UBE2E2: variants seen among roughly 807,000 people sequenced by gnomAD.
The protein encoded by UBE2E2 is ubiquitin-conjugating enzyme E2 E2.
UBE2E2 carries 6 observed loss-of-function variants against 24.7 expected under a neutral mutation model. The observed-to-expected ratio is 0.24, with a 90% CI of 0.13 to 0.48. UBE2E2 has a LOEUF of 0.48. UBE2E2 is among the 20% of genes least tolerant of loss of function. The probability of loss-of-function intolerance (pLI) is 0.99; values close to 1 mark genes in which losing one functional copy is unlikely to be tolerated. For missense variants in UBE2E2, 169 were observed against 245.0 expected, an observed-to-expected ratio of 0.69 and a Z score of 2.07; for synonymous variants, 104 against 83.6, an observed-to-expected ratio of 1.24 and a Z score of -1.33.
At chr3:23,528,476 G>A (rs1180723637) in intron 4 of UBE2E2, among the ~76,000 whole-genome samples, 3 of 152,146 alleles carry the variant, frequency 2.0e-5, no homozygotes, top group African/African-American at 7.2e-5. Flanking sequence ...CACCCCGAGA[G>A]TGGTGGGTTT....
chr3:23,253,199 T>G (rs925960795), intron 3 of UBE2E2, among the ~76,000 whole-genome samples: 1 of 152,038 alleles, frequency 6.6e-6, no homozygotes, highest in African/African-American at 2.4e-5. Flanking sequence ...CTAGATAAAA[T>G]TACACACTAA....
intron 3 of UBE2E2, among the ~76,000 whole-genome samples, chr3:23,350,986 G>A (rs1165190360): frequency 1.3e-5 from 2 of 152,220 alleles, no homozygotes; most frequent in African/African-American, 4.8e-5. Flanking sequence ...CAGCCAGAGA[G>A]AAAGGTCGGG....
At chr3:23,497,148 C>T (rs1699618677) in intron 3 of UBE2E2, among the ~76,000 whole-genome samples, 1 of 152,180 alleles carries the variant, frequency 6.6e-6, no homozygotes, top group Non-Finnish European at 1.5e-5. Flanking sequence ...ACCACAACTA[C>T]AGACCTCAAT....
At chr3:23,507,194 T>A (rs1169261612) in intron 4 of UBE2E2, among the ~76,000 whole-genome samples, 1 of 152,178 alleles carries the variant, frequency 6.6e-6, no homozygotes, top group Non-Finnish European at 1.5e-5. Context: ...TCCCTTGATG[T>A]CTCTGCTCAA....
intron 3 of UBE2E2, among the ~76,000 whole-genome samples, chr3:23,450,538 C>G (rs1359732251): frequency 6.6e-6 from 1 of 152,010 alleles, no homozygotes; most frequent in Non-Finnish European, 1.5e-5. Flanking sequence ...TATTATATTA[C>G]TAGAAATATG....
chr3:23,499,566 A>C, intron 3 of UBE2E2, 42 bp from the exon 4 acceptor site: 1 of 1,578,888 alleles, frequency 6.3e-7, no homozygotes, highest in Non-Finnish European at 8.6e-7. Flanking sequence ...TCCAGCCTTT[A>C]TGTAATTTCT....
chr3:23,312,752 C>G lies in UBE2E2; in HGVS notation c.227+95440C>G, dbSNP rs1694446095. 4.6e-5 allele frequency among the ~76,000 whole-genome samples: 7 copies of G among 152,220 alleles called. No individual in the cohort carries two copies. The South Asian group carries it at 1.5e-3, about 32-fold the overall frequency. On this transcript the variant is annotated intron_variant, in intron 3 of 5. Coordinates refer to ENST00000396703, the MANE Select transcript of UBE2E2 (RefSeq NM_152653.4). ...CTTTTTTGACGTAGGCAAAAAAGTA[C>G]TGCTCTTTCTGTATCCCATAGGTTT... is the stretch of plus-strand genomic sequence containing the variant.
chr3:23,438,019 G>A (rs1698220326), intron 3 of UBE2E2, among the ~76,000 whole-genome samples: 1 of 152,192 alleles, frequency 6.6e-6, no homozygotes, highest in African/African-American at 2.4e-5. Context: ...CTATTGTATG[G>A]TCTTAAATTG....
intron 3 of UBE2E2, among the ~76,000 whole-genome samples, chr3:23,295,059 C>A (rs1034897609): frequency 1.3e-5 from 2 of 152,120 alleles, no homozygotes; most frequent in African/African-American, 4.8e-5. Flanking sequence ...AACCTATTTA[C>A]ATTTAGTGTT....
rs1696014954 is a variant in UBE2E2, at chr3:23,203,330, T to C, written c.-143T>C. ...CGGGTGCGTGGTGCGTGGGTCCGGCTTTCGGTGACTAGACGGTCCGCAGGG... is the reference window on the plus strand; with the variant it reads ...CGGGTGCGTGGTGCGTGGGTCCGGCCTTCGGTGACTAGACGGTCCGCAGGG... On this transcript the variant is annotated 5_prime_UTR_variant, in exon 1 of 6. Transcript: ENST00000396703. The C allele has an allele frequency of 1.0e-6, 1 of 986,486 alleles. No homozygotes were observed. Among genetic ancestry groups the C allele is most frequent in the Non-Finnish European group, 1.2e-6 (1 of 830,506 alleles). The allele number at this position is 986,486 out of a possible 1,614,324, so 61.1% of individuals were successfully genotyped here. A position where few individuals can be genotyped will look rare whatever the true frequency, so the allele number is the denominator to read the frequency against.
intron 3 of UBE2E2, among the ~76,000 whole-genome samples, chr3:23,414,570 G>C (rs1692652): frequency 0.62 from 93,617 of 151,938 alleles, 29,539 homozygotes; most frequent in African/African-American, 0.74. Context: ...ATATCACATT[G>C]CAATGGTAGG....
At chr3:23,321,840 A>G (rs529423265) in intron 3 of UBE2E2, among the ~76,000 whole-genome samples, 1 of 151,988 alleles carries the variant, frequency 6.6e-6, no homozygotes, top group Non-Finnish European at 1.5e-5. Flanking sequence ...TTATACTCCC[A>G]TTCTAGAAGT....
intron 3 of UBE2E2, among the ~76,000 whole-genome samples, chr3:23,323,749 A>G (rs953671096): frequency 1.6e-4 from 25 of 151,976 alleles, no homozygotes; most frequent in Non-Finnish European, 2.6e-4. Context: ...TCCTTATTTT[A>G]GTTTTAGTTC....
chr3:23,342,941 T>G (rs1030465864), intron 3 of UBE2E2, among the ~76,000 whole-genome samples: 5 of 152,238 alleles, frequency 3.3e-5, no homozygotes, highest in East Asian at 1.9e-4. Context: ...AATACTTTTT[T>G]GGGGGTGGGG....
intron 3 of UBE2E2, chr3:23,271,104 T>C: frequency 2.3e-6 from 1 of 443,988 alleles, no homozygotes; most frequent in Non-Finnish European, 4.5e-6. Flanking sequence ...TGAAGAGAAA[T>C]GGACCTTGAG....
intron 3 of UBE2E2, among the ~76,000 whole-genome samples, chr3:23,226,120 C>A (rs1696818804): frequency 6.6e-6 from 1 of 152,228 alleles, no homozygotes; most frequent in African/African-American, 2.4e-5. Context: ...CCCAAGTGAT[C>A]TGCCCTCCTT....
At chr3:23,424,222 A>G (rs1697872013) in intron 3 of UBE2E2, among the ~76,000 whole-genome samples, 1 of 152,190 alleles carries the variant, frequency 6.6e-6, no homozygotes, top group Non-Finnish European at 1.5e-5. Flanking sequence ...GATAAATCTA[A>G]GAAATAAAAG....
chr3:23,327,451 G>A lies in UBE2E2; in HGVS notation c.227+110139G>A, dbSNP rs1367710185. Among the ~76,000 whole-genome samples, 5 of 152,092 alleles carry A rather than the reference G, an allele frequency of 3.3e-5. No homozygotes were observed. The South Asian group carries it at 8.3e-4, about 25-fold the overall frequency. On this transcript the variant is annotated intron_variant, in intron 3 of 5. Transcript: ENST00000396703. ...GCACATAAAGTTTAATCTGCAATACGGAATCTGATATACCACCCCTTTCCT... is the reference window on the plus strand; with the variant it reads ...GCACATAAAGTTTAATCTGCAATACAGAATCTGATATACCACCCCTTTCCT...
At chr3:23,275,509 G>T (rs924456921) in intron 3 of UBE2E2, among the ~76,000 whole-genome samples, 1 of 152,130 alleles carries the variant, frequency 6.6e-6, no homozygotes, top group Non-Finnish European at 1.5e-5. Flanking sequence ...AAGAGCAATG[G>T]GAAGCCTTTG....
Sources: allele counts gnomAD v4.1 joint callset (sites outside exome capture counted in the v4.1 genomes callset), GRCh38; gene constraint gnomAD v4.1.1; transcripts MANE v1.5; gene names NCBI Gene and HGNC (gene_info 2026-07-23, HGNC 2026-07-21).